BPIFB1: variants seen among roughly 807,000 people sequenced by gnomAD.
BPIFB1 encodes BPI fold-containing family B member 1.
In BPIFB1, 34 loss-of-function variants were observed where a neutral mutation model predicts 55.1. The observed-to-expected ratio is 0.62, with a 90% CI of 0.47 to 0.82. The LOEUF (loss-of-function observed/expected upper bound fraction) is 0.82. Ranked by LOEUF, BPIFB1 falls within the 40% of genes least tolerant of loss-of-function variation. The pLI is 0.00. For synonymous variants in BPIFB1, 236 were observed against 245.3 expected, an observed-to-expected ratio of 0.96 and a Z score of 0.35; for missense variants, 532 against 593.1, an observed-to-expected ratio of 0.90 and a Z score of 1.07.
rs773131430 is a variant in BPIFB1, at chr20:33,302,405, A to G, written c.974A>G (p.Asn325Ser). ...HRLKSSIGLI[N>S]EKAADKLGST... ...CTGAAGTCAAGCATCGGGCTGATCA[A>G]TGAAAAGGTTGGTCTGTTTGCCATC... The change falls in exon 10 of 16, where the codon AAT becomes AGT. Residue 325 changes from asparagine to serine, a missense_variant. Asn to Ser is a conservative substitution (Grantham distance 46). Transcript: ENST00000253354. 1 of 1,613,866 alleles carries G rather than the reference A, an allele frequency of 6.2e-7. No homozygotes were observed. The highest frequency in any genetic ancestry group is 8.5e-7 in the Non-Finnish European group (1 of 1,179,954).
At chr20:33,297,367 T>A (rs1326217179) in intron 6 of BPIFB1, among the ~76,000 whole-genome samples, 158 bp from the exon 7 acceptor site, 3 of 152,178 alleles carry the variant, frequency 2.0e-5, no homozygotes, top group Admixed American at 6.5e-5. Context: ...GCAGGCTGGG[T>A]TCAACACACG....
chr20:33,302,819 G>T, intron 10 of BPIFB1, 97 bp from the exon 11 acceptor site: 1 of 1,394,554 alleles, frequency 7.2e-7, no homozygotes, highest in South Asian at 1.3e-5. Flanking sequence ...GAGGGAGCAG[G>T]GAGCCCAGGA....
chr20:33,308,883 CACATACACACAT>C (rs1981138250), intron 15 of BPIFB1, among the ~76,000 whole-genome samples: 1 of 151,002 alleles, frequency 6.6e-6, no homozygotes, highest in Admixed American at 6.6e-5. Flanking sequence ...ACACACCACA[CACATACACACAT>C]ACATACACAC....
At chr20:33,289,395 C>CA (rs1267786219) in intron 3 of BPIFB1, among the ~76,000 whole-genome samples, 2,787 of 105,432 alleles carry the variant, frequency 0.026, 36 homozygotes, top group African/African-American at 0.06. Flanking sequence ...AAAAAAAAAA[C>CA]AAAAAAAAAA....
At chr20:33,300,115 A>G (rs1218725041) in intron 8 of BPIFB1, 131 bp downstream of exon 8, 1 of 766,960 alleles carries the variant, frequency 1.3e-6, no homozygotes, top group Admixed American at 2.2e-5. Flanking sequence ...GCTGATCTAG[A>G]AAAATCACTG....
intron 6 of BPIFB1, 107 bp downstream of exon 6, chr20:33,292,095 T>C: frequency 9.7e-7 from 1 of 1,035,476 alleles, no homozygotes; most frequent in Non-Finnish European, 1.5e-6. Context: ...TGGGTGGGTT[T>C]TGCTGAAAGA....
At chr20:33,300,265 C>T (rs886919508) in intron 8 of BPIFB1, among the ~76,000 whole-genome samples, 3 of 152,162 alleles carry the variant, frequency 2.0e-5, no homozygotes. Flanking sequence ...CCCTGCCAAT[C>T]CCCAAACCTA....
At position 33,289,909 on chromosome 20, in the gene BPIFB1, C is replaced by A; in HGVS notation, c.282C>A (p.Ile94=). The change falls in exon 4 of 16, where the codon ATC becomes ATA. Residue 94 remains isoleucine (I), a synonymous_variant. Coordinates refer to ENST00000253354, the MANE Select transcript of BPIFB1 (RefSeq NM_033197.3). The stretch of plus-strand genomic sequence containing the variant: ...GGCTGAAGGTCATCACAGCTAACAT[C>A]CTCCAGCTGCAGGTGAAGCCCTCGG... ...IIWLKVITAN[I]LQLQVKPSAN... is the part of the protein sequence containing the mutation. 1.9e-6 allele frequency: 3 copies of A among 1,614,222 alleles called. No individual in the cohort carries two copies. The highest frequency in any genetic ancestry group is 2.5e-6 in the Non-Finnish European group (3 of 1,180,020).
At chr20:33,290,389 G>A (rs1393702708) in intron 4 of BPIFB1, among the ~76,000 whole-genome samples, 1 of 152,176 alleles carries the variant, frequency 6.6e-6, no homozygotes, top group East Asian at 1.9e-4. Flanking sequence ...GTGGAGACAG[G>A]AAGGCTATCC....
intron 7 of BPIFB1, 170 bp downstream of exon 7, chr20:33,297,758 T>C: frequency 1.4e-6 from 1 of 695,994 alleles, no homozygotes; most frequent in Non-Finnish European, 2.6e-6. Context: ...CAGACAGAAA[T>C]TCGCCACGAC....
intron 3 of BPIFB1, among the ~76,000 whole-genome samples, chr20:33,289,668 G>T (rs1600662222): frequency 1.3e-5 from 2 of 152,286 alleles, no homozygotes; most frequent in South Asian, 4.1e-4. Flanking sequence ...TCAAGGAGCT[G>T]GGAGTCACCA....
chr20:33,305,776 A>T (rs1600670347), intron 13 of BPIFB1, among the ~76,000 whole-genome samples: 1 of 151,764 alleles, frequency 6.6e-6, no homozygotes, highest in Non-Finnish European at 1.5e-5. Flanking sequence ...CCTCCAATGC[A>T]CCCCAATCCC....
At position 33,304,875 on chromosome 20, in the gene BPIFB1, G is replaced by T. The variant is rs369758696; in HGVS notation, c.1238G>T (p.Gly413Val). The T allele has an allele frequency of 6.2e-7, 1 of 1,614,048 alleles. No homozygotes were observed. Among genetic ancestry groups the T allele is most frequent in the African/African-American group, 1.3e-5 (1 of 74,902 alleles). Residue 413 changes from glycine (G) to valine (V), a missense_variant, in exon 13 of 16, where the codon GGG (glycine) becomes GTG (valine). Gly to Val is a moderately radical substitution (Grantham distance 109). Transcript: ENST00000253354. ...SSDRIQLMNS[G>V]IGWFQPDVLK... ...GATCGGATCCAGCTGATGAACTCTG[G>T]GATTGGCTGGTTCCAAGTAAGTGTT...
At position 33,291,096 on chromosome 20, in the gene BPIFB1, C is replaced by T. The variant is rs1284034450; in HGVS notation, c.505C>T (p.Leu169=). Residue 169 remains leucine (L), a synonymous_variant, in exon 5 of 16, where the codon CTG becomes TTG. Coordinates refer to ENST00000253354, the MANE Select transcript of BPIFB1 (RefSeq NM_033197.3). Reference sequence around the variant, plus strand: ...CAGCCATGGGAGCCTGCGCATCCAACTGCTGCATAAGTGAGTGTCGCTGGC... The same window carrying T: ...CAGCCATGGGAGCCTGCGCATCCAATTGCTGCATAAGTGAGTGTCGCTGGC... ...ATSHGSLRIQ[L]LHKLSFLVNA... 3 of 1,611,396 alleles carry T rather than the reference C, an allele frequency of 1.9e-6. 1 individual carries two copies. In the Admixed American group the frequency reaches 5.0e-5, roughly 27 times the overall value.
chr20:33,286,329 T>C, intron 2 of BPIFB1, 141 bp downstream of exon 2: 1 of 713,498 alleles, frequency 1.4e-6, no homozygotes, highest in Non-Finnish European at 2.4e-6. Context: ...GAGTGGGAGG[T>C]TGTAAAGGTC....
In BPIFB1 at chr20:33,286,206, G is replaced by A. The variant is rs376586352; in HGVS notation, c.115+18G>A. ...CAAAGAAAGTAAGTTTTGTCCCTCCGGAGCTGGCTGCCATAAGACAAGGGG... is the reference window on the plus strand; with the variant it reads ...CAAAGAAAGTAAGTTTTGTCCCTCCAGAGCTGGCTGCCATAAGACAAGGGG... On this transcript the variant is annotated intron_variant, in intron 2 of 15. Coordinates refer to ENST00000253354, the MANE Select transcript of BPIFB1 (RefSeq NM_033197.3). 1.6e-5 allele frequency: 25 copies of A among 1,609,842 alleles called. No individual in the cohort carries two copies. The highest frequency in any genetic ancestry group is 1.6e-4 in the Middle Eastern group (1 of 6,074).
rs748693127 is a variant in BPIFB1, at chr20:33,297,577, A to G, written c.650A>G (p.Gln217Arg). 3.1e-6 allele frequency: 5 copies of G among 1,614,098 alleles called. No homozygotes were observed. In the Admixed American group the frequency reaches 8.3e-5, roughly 27 times the overall value. ...SFNGMYADLL[Q>R]LVKVPISLSI... ...AATGGCATGTATGCAGACCTCCTGC[A>G]GCTGGTGAAGGGTAGGTGCTCTGCT... The change falls in exon 7 of 16, where the codon CAG (glutamine) becomes CGG (arginine). Residue 217 changes from glutamine to arginine, a missense_variant. Coordinates refer to ENST00000253354, the MANE Select transcript of BPIFB1 (RefSeq NM_033197.3).
rs548315292 is a variant in BPIFB1, at chr20:33,289,990, C to G, written c.363C>G (p.Asn121Lys). 3.1e-6 allele frequency: 5 copies of G among 1,613,088 alleles called. No individual in the cohort carries two copies. The South Asian group carries it at 5.5e-5, about 18-fold the overall frequency. Residue 121 changes from asparagine to lysine, a missense_variant and splice_region_variant, in exon 4 of 16, where the codon AAC becomes AAG. Transcript: ENST00000253354. ...CCCTGGACATGGTGGCTGGATTCAA[C>G]ACGTGAGTGACCCCTCCATCAAGTA... Reference protein sequence around the residue: ...KIPLDMVAGFNTPLVKTIVEF... With the variant: ...KIPLDMVAGFKTPLVKTIVEF...
chr20:33,290,921 C>G lies in BPIFB1; in HGVS notation c.366-36C>G, dbSNP rs17124557. On this transcript the variant is annotated intron_variant, in intron 4 of 15. Transcript: ENST00000253354. ...CAGGGTTGCTCCAGCCCGAGCTTGC[C>G]TGGTGCTCACATGGTCAGGTGCCTC... The G allele has an allele frequency of 2.7e-3, 4,396 of 1,605,816 alleles. 88 individuals carry two copies. The African/African-American group carries it at 0.051, about 19-fold the overall frequency.
Sources: allele counts gnomAD v4.1 joint callset (sites outside exome capture counted in the v4.1 genomes callset), GRCh38; gene constraint gnomAD v4.1.1; transcripts MANE v1.5; gene names NCBI Gene and HGNC (gene_info 2026-07-23, HGNC 2026-07-21).